FBH1: variants seen among roughly 807,000 people sequenced by gnomAD.
The protein encoded by FBH1 is DNA 3'-5' helicase 1.
FBH1 carries 43 observed loss-of-function variants against 115.5 expected under a neutral mutation model. The observed-to-expected ratio is 0.37, with a 90% CI of 0.29 to 0.48. FBH1 has a LOEUF of 0.48. FBH1 is among the 20% of genes least tolerant of loss of function. The pLI is 0.99. For synonymous variants in FBH1, 524 were observed against 507.8 expected (o/e 1.03, Z -0.43); for missense variants, 1,001 against 1,337.3 (o/e 0.75, Z 3.92).
At chr10:5,916,704 C>G (rs999811351) in intron 10 of FBH1, among the ~76,000 whole-genome samples, 1 of 92,988 alleles carries the variant, frequency 1.1e-5, no homozygotes, top group Non-Finnish European at 2.2e-5. Flanking sequence ...GATGGGGGAA[C>G]GGGAAGTGTT....
Position 5,921,381 on chromosome 10 carries a change from C to G in FBH1, c.2200+24C>G. The G allele has an allele frequency of 6.2e-7, 1 of 1,611,184 alleles. No homozygotes were observed. Among genetic ancestry groups the G allele is most frequent in the Non-Finnish European group, 8.5e-7 (1 of 1,179,324 alleles). On this transcript the variant is annotated intron_variant, in intron 14 of 20. Coordinates refer to ENST00000362091, the MANE Select transcript of FBH1 (RefSeq NM_178150.3). The surrounding 1 kb of genome is among the most constrained non-coding windows in gnomAD (Gnocchi z 6.4). ...GAGTAAGGCTTTTAGTTACTCTTCT[C>G]TTTTGTGTTACAAAAGTTTTCCTCT...
chr10:5,921,185 TG>T lies in FBH1; in HGVS notation c.2101-71del. On this transcript the variant is annotated intron_variant, in intron 13 of 20. Coordinates refer to ENST00000362091, the MANE Select transcript of FBH1 (RefSeq NM_178150.3). The surrounding 1 kb of genome is among the most constrained non-coding windows in gnomAD (Gnocchi z 6.4). Reference sequence around the variant, plus strand: ...TGTAGGGTCTGGCCCGGCCAGGCTGTGGCAGCAGTGATGGAAATGCACGGAC... The same window carrying T: ...TGTAGGGTCTGGCCCGGCCAGGCTGTGCAGCAGTGATGGAAATGCACGGAC... The T allele has an allele frequency of 6.9e-7, 1 of 1,443,006 alleles. No homozygotes were observed. The highest frequency in any genetic ancestry group is 9.7e-7 in the Non-Finnish European group (1 of 1,031,580). 89.4% of individuals were successfully genotyped at this position (1,443,006 alleles called of 1,614,324 possible). A position where few individuals can be genotyped will look rare whatever the true frequency, so the allele number is the denominator to read the frequency against.
At chr10:5,934,665 A>C (rs1230603607) in intron 19 of FBH1, 1 of 152,092 alleles carries the variant, frequency 6.6e-6, no homozygotes, top group Admixed American at 6.5e-5. Flanking sequence ...GGCTTGAGCC[A>C]CTATGTCTGG....
chr10:5,919,849 T>A (rs187851685), intron 13 of FBH1, among the ~76,000 whole-genome samples: 392 of 152,334 alleles, frequency 2.6e-3, no homozygotes, highest in African/African-American at 3.8e-3. Context: ...TTAGAACAGT[T>A]TCAGATTTAC....
Position 5,909,101 on chromosome 10 carries a change from T to C in FBH1, c.884+46T>C, listed in dbSNP as rs1428141486. The C allele has an allele frequency of 3.1e-6, 5 of 1,613,770 alleles. No homozygotes were observed. In the South Asian group the frequency reaches 5.5e-5, roughly 18 times the overall value. On this transcript the variant is annotated intron_variant, in intron 4 of 20. Coordinates refer to ENST00000362091, the MANE Select transcript of FBH1 (RefSeq NM_178150.3). The surrounding 1 kb of genome is among the most constrained non-coding windows in gnomAD (Gnocchi z 4.4). ...AAAGAAGGCGTCTTTGAAGTCTTCC[T>C]TGTACATCAGTGCTTATGGTCACCC... is the stretch of plus-strand genomic sequence containing the variant.
chr10:5,894,005 A>T, intron 1 of FBH1: 1 of 985,462 alleles, frequency 1.0e-6, no homozygotes, highest in Non-Finnish European at 1.2e-6. Context: ...AGCCCAGCCC[A>T]TCCTTGTTGG....
In FBH1 at chr10:5,917,042, A is replaced by C. The variant is rs1436013003; in HGVS notation, c.1789-378A>C. Reference sequence around the variant, plus strand: ...CTGATTTTCTTGGGTTATTGGTTCTATGGAATAGATTTTGCTAGTGGGAAA... The same window carrying C: ...CTGATTTTCTTGGGTTATTGGTTCTCTGGAATAGATTTTGCTAGTGGGAAA... On this transcript the variant is annotated intron_variant, in intron 10 of 20. Transcript: ENST00000362091. This position sits in a 1 kb window ranked among gnomAD's most constrained non-coding sequence, Gnocchi z 5.6. The C allele has an allele frequency of 4.3e-6, 1 of 234,246 alleles. No homozygotes were observed. The highest frequency in any genetic ancestry group is 8.6e-6 in the Non-Finnish European group (1 of 116,470). 14.5% of individuals were successfully genotyped at this position (234,246 alleles called of 1,614,324 possible).
Position 5,897,408 on chromosome 10 carries a change from C to T in FBH1, c.2-5612C>T, listed in dbSNP as rs1843074797. 6.6e-6 allele frequency among the ~76,000 whole-genome samples: 1 copy of T among 151,566 alleles called. No homozygotes were observed. Among genetic ancestry groups the T allele is most frequent in the Admixed American group, 6.6e-5 (1 of 15,240 alleles). Reference sequence around the variant, plus strand: ...ACAGGGCTCCTGCGGAGGAGGTGGACACAGGGCTCCTGGCTCCCAGTTCAG... The same window carrying T: ...ACAGGGCTCCTGCGGAGGAGGTGGATACAGGGCTCCTGGCTCCCAGTTCAG... On this transcript the variant is annotated intron_variant, in intron 1 of 20. Transcript: ENST00000362091. This position sits in a 1 kb window ranked among gnomAD's most constrained non-coding sequence, Gnocchi z 4.7.
rs1831590435 is a variant in FBH1 at position 5,911,515 on chromosome 10, T to A, written c.1211+387T>A. On this transcript the variant is annotated intron_variant, in intron 6 of 20. Coordinates refer to ENST00000362091, the MANE Select transcript of FBH1 (RefSeq NM_178150.3). The surrounding 1 kb of genome is among the most constrained non-coding windows in gnomAD (Gnocchi z 5.4). The stretch of plus-strand genomic sequence containing the variant: ...TGGGATGGAAAAGACTCATCCACCT[T>A]ATCCTCCATGCGGGAGAGGCTATGG... Among the ~76,000 whole-genome samples, 1 of 152,204 alleles carries A rather than the reference T, an allele frequency of 6.6e-6. No homozygotes were observed. Among genetic ancestry groups the A allele is most frequent in the African/African-American group, 2.4e-5 (1 of 41,452 alleles).
intron 1 of FBH1, 21 bp from the exon 2 acceptor site, chr10:5,902,999 C>T (rs1564435628): frequency 1.3e-6 from 2 of 1,588,166 alleles, no homozygotes; most frequent in Non-Finnish European, 1.7e-6. Context: ...CCCCTTTCTT[C>T]TACCTGCTGG....
At chr10:5,907,865 A>G (rs1843811671) in intron 3 of FBH1, among the ~76,000 whole-genome samples, 2 of 152,228 alleles carry the variant, frequency 1.3e-5, no homozygotes, top group East Asian at 3.8e-4. Flanking sequence ...TGATTTAAAA[A>G]GATACTTCAT....
At chr10:5,894,006 T>TC (rs1842876666) in intron 1 of FBH1, 4 of 985,326 alleles carry the variant, frequency 4.1e-6, no homozygotes, top group Non-Finnish European at 4.8e-6. Flanking sequence ...GCCCAGCCCA[T>TC]CCTTGTTGGC....
At position 5,911,146 on chromosome 10, in the gene FBH1, G is replaced by A. The variant is rs1831562957; in HGVS notation, c.1211+18G>A. On this transcript the variant is annotated intron_variant, in intron 6 of 20. Transcript: ENST00000362091. The surrounding 1 kb of genome is among the most constrained non-coding windows in gnomAD (Gnocchi z 5.4). Reference sequence around the variant, plus strand: ...AGCAATAGGTAATGCCCCGGGAGGAGGGGAGGGGATGCTGTGATAATGGGA... The same window carrying A: ...AGCAATAGGTAATGCCCCGGGAGGAAGGGAGGGGATGCTGTGATAATGGGA... 1.2e-6 allele frequency: 2 copies of A among 1,600,062 alleles called. No homozygotes were observed. Among genetic ancestry groups the A allele is most frequent in the African/African-American group, 2.7e-5 (2 of 74,524 alleles).
At chr10:5,902,875 G>C in intron 1 of FBH1, 145 bp from the exon 2 acceptor site, 1 of 588,580 alleles carries the variant, frequency 1.7e-6, no homozygotes, top group Non-Finnish European at 2.7e-6. Flanking sequence ...AAAGTTGGGG[G>C]GCAAGGGGAG....
chr10:5,926,269 A>T (rs1383500182), intron 18 of FBH1, among the ~76,000 whole-genome samples: 1 of 152,048 alleles, frequency 6.6e-6, no homozygotes, highest in Non-Finnish European at 1.5e-5. Flanking sequence ...ACGTGCCACC[A>T]CGCCCAGCTA....
Position 5,915,912 on chromosome 10 carries a change from A to G in FBH1, c.1566-322A>G. On this transcript the variant is annotated intron_variant, in intron 9 of 20. Transcript: ENST00000362091. This position sits in a 1 kb window ranked among gnomAD's most constrained non-coding sequence, Gnocchi z 5.2. ...GGAGTGAGGAAGACTCAGCCGAGGC[A>G]CACTTGACCCAGGTCTCCTGGATGT... is the stretch of plus-strand genomic sequence containing the variant. 1 of 465,120 alleles carries G rather than the reference A, an allele frequency of 2.1e-6. No individual in the cohort carries two copies. The highest frequency in any genetic ancestry group is 3.9e-6 in the Non-Finnish European group (1 of 258,306). 28.8% of individuals were successfully genotyped at this position (465,120 alleles called of 1,614,324 possible).
chr10:5,917,284 T>G lies in FBH1; in HGVS notation c.1789-136T>G, dbSNP rs1589090658. 2.9e-6 allele frequency: 2 copies of G among 688,878 alleles called. No homozygotes were observed. Among genetic ancestry groups the G allele is most frequent in the Non-Finnish European group, 5.2e-6 (2 of 384,720 alleles). 42.7% of individuals were successfully genotyped at this position (688,878 alleles called of 1,614,324 possible). A position where few individuals can be genotyped will look rare whatever the true frequency, so the allele number is the denominator to read the frequency against. Reference sequence around the variant, plus strand: ...GAGGCTGTTGAGGAGACCCAGGAGGTTAGGGTGGTGTCTGCGGTCCCCCTT... The same window carrying G: ...GAGGCTGTTGAGGAGACCCAGGAGGGTAGGGTGGTGTCTGCGGTCCCCCTT... On this transcript the variant is annotated intron_variant, in intron 10 of 20. Coordinates refer to ENST00000362091, the MANE Select transcript of FBH1 (RefSeq NM_178150.3). The surrounding 1 kb of genome is among the most constrained non-coding windows in gnomAD (Gnocchi z 5.6).
chr10:5,909,398 T>C lies in FBH1; in HGVS notation c.1020+104T>C. On this transcript the variant is annotated intron_variant, in intron 5 of 20. Coordinates refer to ENST00000362091, the MANE Select transcript of FBH1 (RefSeq NM_178150.3). This position sits in a 1 kb window ranked among gnomAD's most constrained non-coding sequence, Gnocchi z 4.4. ...GATGACTTTATATTTATTTTTAATGTCTGTATTTAATCTCTGAATGCTTTG... is the reference window on the plus strand; with the variant it reads ...GATGACTTTATATTTATTTTTAATGCCTGTATTTAATCTCTGAATGCTTTG... 7.6e-7 allele frequency: 1 copy of C among 1,321,040 alleles called. No homozygotes were observed. Among genetic ancestry groups the C allele is most frequent in the Non-Finnish European group, 1.0e-6 (1 of 984,298 alleles). The allele number at this position is 1,321,040 out of a possible 1,614,324, so 81.8% of individuals were successfully genotyped here. A position where few individuals can be genotyped will look rare whatever the true frequency, so the allele number is the denominator to read the frequency against.
In FBH1 at chr10:5,909,179, G is replaced by A. The variant is rs201500988; in HGVS notation, c.905G>A (p.Cys302Tyr). The change falls in exon 5 of 21, where the codon TGC (cysteine) becomes TAC (tyrosine). Residue 302 changes from cysteine to tyrosine, a missense_variant. Coordinates refer to ENST00000362091, the MANE Select transcript of FBH1 (RefSeq NM_178150.3). This position sits in a 1 kb window ranked among gnomAD's most constrained non-coding sequence, Gnocchi z 4.4. Reference sequence around the variant, plus strand: ...TACAGATACACAGCCACCACTAAGTGCTCTCCGAGTGTGGATCCCGAGAGG... The same window carrying A: ...TACAGATACACAGCCACCACTAAGTACTCTCCGAGTGTGGATCCCGAGAGG... ...NLIRYTATTK[C>Y]SPSVDPERVL... 40 of 1,613,630 alleles carry A rather than the reference G, an allele frequency of 2.5e-5. No homozygotes were observed. Among genetic ancestry groups the A allele is most frequent in the Non-Finnish European group, 2.5e-6 (3 of 1,180,038 alleles).
Sources: gnomAD v4.1 joint callset for allele counts (sites outside exome capture counted in the v4.1 genomes callset) on GRCh38, gnomAD v4.1.1 for gene constraint, Gnocchi (gnomAD v3.1) non-coding constraint, MANE v1.5 for transcripts, NCBI Gene and HGNC (gene_info 2026-07-23, HGNC 2026-07-21) for gene names.